BRWD1: variants seen among roughly 807,000 people sequenced by gnomAD.
BRWD1 encodes the protein bromodomain and WD repeat domain containing 1, also known as bromodomain and WD repeat-containing protein 1.
In BRWD1, 82 loss-of-function variants were observed where a neutral mutation model predicts 251.2. The observed-to-expected ratio is 0.33, with a 90% CI of 0.27 to 0.39. The LOEUF is 0.39. Ranked by LOEUF, BRWD1 falls within the 10% of genes least tolerant of loss-of-function variation. The pLI, the probability that BRWD1 is intolerant of heterozygous loss-of-function variation, is 1.00. For synonymous variants in BRWD1, 918 were observed against 902.8 expected (o/e 1.02, Z -0.30); for missense variants, 2,233 against 2,711.6 (o/e 0.82, Z 3.92).
At chr21:39,257,217 A>AG (rs2034588618) in intron 18 of BRWD1, among the ~76,000 whole-genome samples, 1 of 151,956 alleles carries the variant, frequency 6.6e-6, no homozygotes, top group Non-Finnish European at 1.5e-5. Flanking sequence ...AAAAAAAAAA[A>AG]AAAATAGGAT....
chr21:39,225,052 C>G (rs2086414725), intron 28 of BRWD1, 34 bp downstream of exon 28: 1 of 1,398,702 alleles, frequency 7.1e-7, no homozygotes. Flanking sequence ...CACTGAATTA[C>G]TGGGAAATGA....
intron 4 of BRWD1, among the ~76,000 whole-genome samples, chr21:39,308,125 C>T (rs1342001106): frequency 3.9e-5 from 6 of 152,106 alleles, no homozygotes; most frequent in Non-Finnish European, 8.8e-5. Context: ...AGTGATCCTC[C>T]CACCTCAGAC....
chr21:39,221,293 G>A (rs1202648295), intron 29 of BRWD1, among the ~76,000 whole-genome samples: 4 of 151,906 alleles, frequency 2.6e-5, no homozygotes, highest in East Asian at 1.9e-4. Context: ...CCCCCCAAAC[G>A]GTAGGCATTC....
chr21:39,212,711 G>T lies in BRWD1; in HGVS notation c.3859-4C>A. ...TTTTAGGAAGATCACTATCATCCTAGGAATAAAATCAGAGCACCTTAAGTA... is the reference window on the plus strand; with the variant it reads ...TTTTAGGAAGATCACTATCATCCTATGAATAAAATCAGAGCACCTTAAGTA... On this transcript the variant is annotated splice_polypyrimidine_tract_variant and splice_region_variant and intron_variant, in intron 33 of 40. Transcript: ENST00000342449. 6.4e-7 allele frequency: 1 copy of T among 1,565,652 alleles called. No homozygotes were observed. The highest frequency in any genetic ancestry group is 8.8e-7 in the Non-Finnish European group (1 of 1,140,470).
In BRWD1 at chr21:39,194,672, G is replaced by A; in HGVS notation, c.*1587C>T. On this transcript the variant is annotated 3_prime_UTR_variant, in exon 41 of 41. Transcript: ENST00000342449. ...ATAACTACAAAATAGGAACACTTCA[G>A]AACATTCTCTAACATTAATACCAGT... The A allele has an allele frequency of 6.5e-7, 1 of 1,534,402 alleles. No individual in the cohort carries two copies. Among genetic ancestry groups the A allele is most frequent in the Admixed American group, 2.0e-5 (1 of 50,960 alleles).
chr21:39,249,915 GGTGTGTGTGTGTGTGTGTGTGTGT>G (rs368656743), intron 20 of BRWD1, among the ~76,000 whole-genome samples: 7 of 68,590 alleles, frequency 1.0e-4, no homozygotes, highest in Non-Finnish European at 2.0e-4. Flanking sequence ...AAAGAAGGGG[GGTGTGTGTGTGTGTGTGTGTGTGT>G]GTGTGTGTGT....
chr21:39,212,444 C>T (rs865852951), intron 34 of BRWD1, among the ~76,000 whole-genome samples: 4 of 152,162 alleles, frequency 2.6e-5, no homozygotes, highest in Non-Finnish European at 2.9e-5. Context: ...CTGTGGTAGC[C>T]TCTATTTTTT....
intron 4 of BRWD1, among the ~76,000 whole-genome samples, chr21:39,301,027 A>C (rs987008994): frequency 6.6e-6 from 1 of 152,086 alleles, no homozygotes; most frequent in East Asian, 1.9e-4. Flanking sequence ...AAATACAAAA[A>C]AATTAGCCAG....
At chr21:39,200,715 G>A (rs775975847) in intron 38 of BRWD1, among the ~76,000 whole-genome samples, 1 of 152,208 alleles carries the variant, frequency 6.6e-6, no homozygotes, top group Non-Finnish European at 1.5e-5. Context: ...GCCGGGCACG[G>A]TGACTCACTC....
chr21:39,314,294 C>T (rs753462363), upstream of BRWD1: 1 of 456,022 alleles, frequency 2.2e-6, no homozygotes, highest in South Asian at 1.5e-5. Context: ...GACCCAGCCA[C>T]ATCCCCCACA....
chr21:39,210,613 ATAAAT>A (rs2032613278), intron 35 of BRWD1, among the ~76,000 whole-genome samples, 168 bp downstream of exon 35: 1 of 152,202 alleles, frequency 6.6e-6, no homozygotes, highest in South Asian at 2.1e-4. Context: ...AAGGGTGTCT[ATAAAT>A]TGAAGAAAAC....
intron 29 of BRWD1, among the ~76,000 whole-genome samples, chr21:39,223,345 A>C (rs1179937768): frequency 1.3e-5 from 2 of 152,198 alleles, no homozygotes; most frequent in African/African-American, 4.8e-5. Context: ...ATTGAAGAGA[A>C]ATATCAAAAT....
At chr21:39,303,752 G>C (rs2036195646) in intron 4 of BRWD1, among the ~76,000 whole-genome samples, 1 of 151,808 alleles carries the variant, frequency 6.6e-6, no homozygotes, top group Admixed American at 6.6e-5. Flanking sequence ...GAGCCCAGGA[G>C]GCTGAGGCTG....
At chr21:39,244,327 G>A (rs1384806535) in intron 21 of BRWD1, among the ~76,000 whole-genome samples, 2 of 152,022 alleles carry the variant, frequency 1.3e-5, no homozygotes, top group African/African-American at 2.4e-5. Flanking sequence ...GCCTCCCAGA[G>A]TGCTGGGATT....
chr21:39,235,387 G>A (rs1374062137), intron 23 of BRWD1: 1 of 152,930 alleles, frequency 6.5e-6, no homozygotes, highest in East Asian at 1.9e-4. Context: ...GCCAACTGTA[G>A]GTCCTTGCTG....
intron 38 of BRWD1, among the ~76,000 whole-genome samples, chr21:39,201,171 C>A (rs541270184): frequency 6.6e-6 from 1 of 152,094 alleles, no homozygotes; most frequent in Non-Finnish European, 1.5e-5. Flanking sequence ...AACAGCTACA[C>A]GAGAGAAAGA....
intron 37 of BRWD1, 23 bp from the exon 38 acceptor site, chr21:39,202,568 G>A: frequency 1.3e-6 from 2 of 1,539,306 alleles, no homozygotes; most frequent in Non-Finnish European, 1.8e-6. Context: ...ATGAACAAAG[G>A]AAACAGTATT....
chr21:39,225,738 T>A (rs2033357470), intron 27 of BRWD1, among the ~76,000 whole-genome samples: 1 of 152,112 alleles, frequency 6.6e-6, no homozygotes, highest in Non-Finnish European at 1.5e-5. Context: ...TGAAAAAAAA[T>A]AATGCCATAA....
chr21:39,233,985 G>A lies in BRWD1; in HGVS notation c.2767-1487C>T, dbSNP rs537276232. 1.6e-4 allele frequency among the ~76,000 whole-genome samples: 24 copies of A among 152,194 alleles called. No homozygotes were observed. In the South Asian group the frequency reaches 1.9e-3, roughly 12 times the overall value. Reference sequence around the variant, plus strand: ...CAGTGAGCCGAGATTGCCCCACTGCGCTCCAGCCTGGGTGACAGAGTAAGA... The same window carrying A: ...CAGTGAGCCGAGATTGCCCCACTGCACTCCAGCCTGGGTGACAGAGTAAGA... On this transcript the variant is annotated intron_variant, in intron 23 of 40. Transcript: ENST00000342449.
Sources: gnomAD v4.1 joint callset for allele counts (sites outside exome capture counted in the v4.1 genomes callset) on GRCh38, gnomAD v4.1.1 for gene constraint, MANE v1.5 for transcripts, NCBI Gene and HGNC (gene_info 2026-07-23, HGNC 2026-07-21) for gene names.